PRMT6: variants seen among roughly 807,000 people sequenced by gnomAD.
PRMT6 encodes the protein protein arginine methyltransferase 6.
In PRMT6, 23 loss-of-function variants were observed where a neutral mutation model predicts 30.5. That is an observed-to-expected ratio of 0.75 (90% CI 0.54 to 1.07). The LOEUF is 1.07. Ranked by LOEUF, PRMT6 falls within the 50% of genes least tolerant of loss-of-function variation. PRMT6 has a pLI of 0.00. For synonymous variants in PRMT6, 265 were observed against 228.0 expected, an observed-to-expected ratio of 1.16 and a Z score of -1.46; for missense variants, 528 against 514.3, an observed-to-expected ratio of 1.03 and a Z score of -0.26.
rs1362767578 is a variant in PRMT6 at position 107,057,658 on chromosome 1, G to T, written c.943G>T (p.Ala315Ser). The T allele has an allele frequency of 1.2e-6, 2 of 1,614,120 alleles. No homozygotes were observed. Among genetic ancestry groups the T allele is most frequent in the African/African-American group, 2.7e-5 (2 of 74,950 alleles). ...LVLSTSPFHP[A>S]THWKQALLYL... ...GCTGTCCACCTCGCCTTTTCACCCG[G>T]CCACTCACTGGAAACAGGCGCTCCT... The change falls in exon 1 of 1, where the codon GCC (alanine) becomes TCC (serine). Residue 315 changes from alanine (A) to serine (S), a missense_variant. Transcript: ENST00000370078.
Position 107,058,114 on chromosome 1 carries a change from C to T in PRMT6, c.*271C>T. ...CCTCAAAAGCATGTAGTACCAAGCA[C>T]TTGTATTTCCGTATATTTTGTTTCG... On this transcript the variant is annotated 3_prime_UTR_variant, in exon 1 of 1. Transcript: ENST00000370078. 1 of 522,782 alleles carries T rather than the reference C, an allele frequency of 1.9e-6. No individual in the cohort carries two copies. Among genetic ancestry groups the T allele is most frequent in the Non-Finnish European group, 3.6e-6 (1 of 281,124 alleles). The allele number at this position is 522,782 out of a possible 1,614,324, so 32.4% of individuals were successfully genotyped here. A position where few individuals can be genotyped will look rare whatever the true frequency, so the allele number is the denominator to read the frequency against.
rs894164575 is a variant in PRMT6, at chr1:107,059,026, G to C, written c.*1183G>C. ...GCCAATAAAACATTGACATTCTCAC[G>C]TTTTATAGATGAGGTAAAAAGTCTT... On this transcript the variant is annotated 3_prime_UTR_variant, in exon 1 of 1. Transcript: ENST00000370078. 6.0e-6 allele frequency: 1 copy of C among 166,972 alleles called. No homozygotes were observed. Among genetic ancestry groups the C allele is most frequent in the Non-Finnish European group, 1.5e-5 (1 of 68,094 alleles). 10.3% of individuals were successfully genotyped at this position (166,972 alleles called of 1,614,324 possible).
rs374379636 is a variant in PRMT6 at position 107,057,289 on chromosome 1, T to C, written c.574T>C (p.Phe192Leu). Residue 192 changes from phenylalanine (F) to leucine (L), a missense_variant, in exon 1 of 1, where the codon TTC becomes CTC. Coordinates refer to ENST00000370078, the MANE Select transcript of PRMT6 (RefSeq NM_018137.3). ...GLLLPASAEL[F>L]IAPISDQMLE... ...TCTCCTGCCGGCCTCCGCCGAGCTC[T>C]TCATAGCCCCCATCAGCGACCAGAT... 2.3e-4 allele frequency: 371 copies of C among 1,613,960 alleles called. No homozygotes were observed. Among genetic ancestry groups the C allele is most frequent in the Non-Finnish European group, 2.9e-4 (341 of 1,180,048 alleles).
At position 107,057,496 on chromosome 1, in the gene PRMT6, G is replaced by C; in HGVS notation, c.781G>C (p.Ala261Pro). The change falls in exon 1 of 1, where the codon GCC becomes CCC. Residue 261 changes from alanine to proline, a missense_variant. By Grantham distance (27) the Ala-to-Pro change is conservative (BLOSUM62 -1). Coordinates refer to ENST00000370078, the MANE Select transcript of PRMT6 (RefSeq NM_018137.3). ...CTTTGCTCAGCTAGAGCTCTCCCGC[G>C]CCGGCTTGGAGCAGGAGCTGGAGGC... The part of the protein sequence containing the change: ...QRFAQLELSR[A>P]GLEQELEAGV... 6.2e-7 allele frequency: 1 copy of C among 1,613,178 alleles called. No individual in the cohort carries two copies. Among genetic ancestry groups the C allele is most frequent in the Non-Finnish European group, 8.5e-7 (1 of 1,179,742 alleles).
Position 107,057,420 on chromosome 1 carries a change from G to A in PRMT6, c.705G>A (p.Glu235=), listed in dbSNP as rs946243301. Residue 235 remains glutamate, a synonymous_variant, in exon 1 of 1, where the codon GAG becomes GAA. Transcript: ENST00000370078. The part of the protein sequence containing the change: ...FATRCLMGHS[E]IVVQGLSGED... ...CGCGCTGTCTCATGGGCCACTCGGA[G>A]ATCGTTGTGCAGGGATTGTCCGGCG... The A allele has an allele frequency of 3.7e-6, 6 of 1,613,712 alleles. No homozygotes were observed. Among genetic ancestry groups the A allele is most frequent in the African/African-American group, 1.3e-5 (1 of 75,082 alleles).
rs201484619 is a variant in PRMT6, at chr1:107,057,031, C to A, written c.316C>A (p.Arg106=). The change falls in exon 1 of 1, where the codon CGG becomes AGG. Residue 106 remains arginine (R), a synonymous_variant. Coordinates refer to ENST00000370078, the MANE Select transcript of PRMT6 (RefSeq NM_018137.3). ...LSIFCAQAGA[R]RVYAVEASAI... Reference sequence around the variant, plus strand: ...CATCTTCTGTGCCCAGGCCGGGGCCCGGCGCGTGTACGCGGTAGAGGCCAG... The same window carrying A: ...CATCTTCTGTGCCCAGGCCGGGGCCAGGCGCGTGTACGCGGTAGAGGCCAG... 7 of 1,613,116 alleles carry A rather than the reference C, an allele frequency of 4.3e-6. No homozygotes were observed. In the African/African-American group the frequency reaches 9.3e-5, roughly 22 times the overall value.
Position 107,056,689 on chromosome 1 carries a change from C to G in PRMT6, c.-27C>G, listed in dbSNP as rs1229274509. On this transcript the variant is annotated 5_prime_UTR_variant, in exon 1 of 1. Coordinates refer to ENST00000370078, the MANE Select transcript of PRMT6 (RefSeq NM_018137.3). ...AGCCCGCGCCGTGCCGCGCTACGCCCGCCGGGAGCCGGGCAGAGCGGCCAA... is the reference window on the plus strand; with the variant it reads ...AGCCCGCGCCGTGCCGCGCTACGCCGGCCGGGAGCCGGGCAGAGCGGCCAA... The G allele has an allele frequency of 4.1e-6, 6 of 1,469,556 alleles. No homozygotes were observed. The African/African-American group carries it at 4.3e-5, about 10-fold the overall frequency. 91.0% of individuals were successfully genotyped at this position (1,469,556 alleles called of 1,614,324 possible). A position where few individuals can be genotyped will look rare whatever the true frequency, so the allele number is the denominator to read the frequency against.
rs1233986066 is a variant in PRMT6 at position 107,058,286 on chromosome 1, T to G, written c.*443T>G. 3.9e-6 allele frequency: 1 copy of G among 256,772 alleles called. No individual in the cohort carries two copies. Among genetic ancestry groups the G allele is most frequent in the African/African-American group, 2.3e-5 (1 of 44,162 alleles). The allele number at this position is 256,772 out of a possible 1,614,324, so 15.9% of individuals were successfully genotyped here. A position where few individuals can be genotyped will look rare whatever the true frequency, so the allele number is the denominator to read the frequency against. ...TCATACATTTCCAGTACGACTTTAG[T>G]ATCTCTCCAGAGCCATATTTTCTCA... On this transcript the variant is annotated 3_prime_UTR_variant, in exon 1 of 1. Coordinates refer to ENST00000370078, the MANE Select transcript of PRMT6 (RefSeq NM_018137.3).
At position 107,057,881 on chromosome 1, in the gene PRMT6, T is replaced by G; in HGVS notation, c.*38T>G. 6.4e-7 allele frequency: 1 copy of G among 1,552,924 alleles called. No individual in the cohort carries two copies. Among genetic ancestry groups the G allele is most frequent in the Non-Finnish European group, 8.7e-7 (1 of 1,147,516 alleles). On this transcript the variant is annotated 3_prime_UTR_variant, in exon 1 of 1. Coordinates refer to ENST00000370078, the MANE Select transcript of PRMT6 (RefSeq NM_018137.3). ...CTCCCAGCTACCTCCCAAAGCAGCC[T>G]GACCTGCGTGGGAGAGGCGTAGCGA...
At position 107,057,840 on chromosome 1, in the gene PRMT6, C is replaced by A; in HGVS notation, c.1125C>A (p.Asp375Glu). ...AGACCAAAGACTTTGCCATGGAGGA[C>A]TGAGCGTTGCCTTTTCTCCCAGCTA... ...EEKTKDFAMED is the reference protein window; with the variant it reads ...EEKTKDFAMEE Residue 375 changes from aspartate (D) to glutamate (E), a missense_variant, in exon 1 of 1, where the codon GAC becomes GAA. Transcript: ENST00000370078. The A allele has an allele frequency of 6.4e-7, 1 of 1,568,000 alleles. No homozygotes were observed. The highest frequency in any genetic ancestry group is 8.7e-7 in the Non-Finnish European group (1 of 1,155,654).
In PRMT6 at chr1:107,058,485, A is replaced by C. The variant is rs551177071; in HGVS notation, c.*642A>C. On this transcript the variant is annotated 3_prime_UTR_variant, in exon 1 of 1. Transcript: ENST00000370078. ...CATCATAGGGTGCTAAAGTTGATGA[A>C]CACATTAATCCGTTAAGTAAAATGG... The C allele has an allele frequency of 1.2e-5, 2 of 169,756 alleles. No individual in the cohort carries two copies. The highest frequency in any genetic ancestry group is 1.2e-4 in the Admixed American group (2 of 16,042). The allele number at this position is 169,756 out of a possible 1,614,324, so 10.5% of individuals were successfully genotyped here.
chr1:107,056,703 C>G lies in PRMT6; in HGVS notation c.-13C>G, dbSNP rs1056305783. On this transcript the variant is annotated 5_prime_UTR_variant, in exon 1 of 1. Transcript: ENST00000370078. The stretch of plus-strand genomic sequence containing the variant: ...CGCGCTACGCCCGCCGGGAGCCGGG[C>G]AGAGCGGCCAAGATGTCGCAGCCCA... 1 of 1,494,614 alleles carries G rather than the reference C, an allele frequency of 6.7e-7. No individual in the cohort carries two copies. Among genetic ancestry groups the G allele is most frequent in the Non-Finnish European group, 8.9e-7 (1 of 1,119,696 alleles). 92.6% of individuals were successfully genotyped at this position (1,494,614 alleles called of 1,614,324 possible). A position where few individuals can be genotyped will look rare whatever the true frequency, so the allele number is the denominator to read the frequency against.
rs1340032929 is a variant in PRMT6 at position 107,057,787 on chromosome 1, C to T, written c.1072C>T (p.Arg358Cys). ...DNPRRLRVLL[R>C]YKVGDQEEKT... ...CCCCCGTCGCCTGCGCGTGCTGCTG[C>T]GCTACAAAGTGGGAGACCAGGAGGA... The change falls in exon 1 of 1, where the codon CGC becomes TGC. Residue 358 changes from arginine to cysteine, a missense_variant. Coordinates refer to ENST00000370078, the MANE Select transcript of PRMT6 (RefSeq NM_018137.3). The T allele has an allele frequency of 6.2e-7, 1 of 1,610,632 alleles. No individual in the cohort carries two copies. The highest frequency in any genetic ancestry group is 8.5e-7 in the Non-Finnish European group (1 of 1,178,256).
rs1570650750 is a variant in PRMT6, at chr1:107,057,113, T to G, written c.398T>G (p.Val133Gly). 1 of 1,607,194 alleles carries G rather than the reference T, an allele frequency of 6.2e-7. No homozygotes were observed. The highest frequency in any genetic ancestry group is 8.5e-7 in the Non-Finnish European group (1 of 1,179,826). ...VVRFNGLEDR[V>G]HVLPGPVETV... is the part of the protein sequence containing the mutation. ...CGGTTCAACGGGCTGGAGGACCGGG[T>G]GCACGTCCTGCCGGGACCAGTGGAG... The change falls in exon 1 of 1, where the codon GTG becomes GGG. Residue 133 changes from valine to glycine, a missense_variant. Val to Gly is a moderately radical substitution (Grantham distance 109). Transcript: ENST00000370078.
Position 107,057,660 on chromosome 1 carries a change from C to T in PRMT6, c.945C>T (p.Ala315=). 3 of 1,614,254 alleles carry T rather than the reference C, an allele frequency of 1.9e-6. No individual in the cohort carries two copies. The highest frequency in any genetic ancestry group is 2.2e-5 in the East Asian group (1 of 44,874). ...TGTCCACCTCGCCTTTTCACCCGGC[C>T]ACTCACTGGAAACAGGCGCTCCTCT... ...LVLSTSPFHP[A]THWKQALLYL... The change falls in exon 1 of 1, where the codon GCC becomes GCT. Residue 315 remains alanine (A), a synonymous_variant. Coordinates refer to ENST00000370078, the MANE Select transcript of PRMT6 (RefSeq NM_018137.3).
rs1651761631 is a variant in PRMT6, at chr1:107,057,643, T to G, written c.928T>G (p.Ser310Ala). ...GGAGAAACCCCTGGTGCTGTCCACCTCGCCTTTTCACCCGGCCACTCACTG... is the reference window on the plus strand; with the variant it reads ...GGAGAAACCCCTGGTGCTGTCCACCGCGCCTTTTCACCCGGCCACTCACTG... ...ESEKPLVLST[S>A]PFHPATHWKQ... is the part of the protein sequence containing the mutation. The change falls in exon 1 of 1, where the codon TCG becomes GCG. Residue 310 changes from serine (S) to alanine (A), a missense_variant. Physicochemically the swap from Ser to Ala is moderately conservative, Grantham distance 99. Transcript: ENST00000370078. The G allele has an allele frequency of 6.2e-7, 1 of 1,614,082 alleles. No individual in the cohort carries two copies. The highest frequency in any genetic ancestry group is 8.5e-7 in the Non-Finnish European group (1 of 1,180,046).
chr1:107,058,063 C>G lies in PRMT6; in HGVS notation c.*220C>G. On this transcript the variant is annotated 3_prime_UTR_variant, in exon 1 of 1. Transcript: ENST00000370078. The stretch of plus-strand genomic sequence containing the variant: ...AAGTGATCCCCCTCAACAACGGATA[C>G]AGCGTGCTTATTATTGGGCATTTAG... The G allele has an allele frequency of 2.2e-5, 14 of 650,896 alleles. No individual in the cohort carries two copies. The South Asian group carries it at 2.7e-4, about 13-fold the overall frequency. The allele number at this position is 650,896 out of a possible 1,614,324, so 40.3% of individuals were successfully genotyped here.
rs548765261 is a variant in PRMT6, at chr1:107,058,570, G to A, written c.*727G>A. 6.0e-6 allele frequency: 1 copy of A among 167,218 alleles called. No individual in the cohort carries two copies. Among genetic ancestry groups the A allele is most frequent in the South Asian group, 2.1e-4 (1 of 4,830 alleles). The allele number at this position is 167,218 out of a possible 1,614,324, so 10.4% of individuals were successfully genotyped here. A position where few individuals can be genotyped will look rare whatever the true frequency, so the allele number is the denominator to read the frequency against. On this transcript the variant is annotated 3_prime_UTR_variant, in exon 1 of 1. Coordinates refer to ENST00000370078, the MANE Select transcript of PRMT6 (RefSeq NM_018137.3). ...GAAGGTGCATTTAAGAGAGAGACCT[G>A]AAAGAAATAGTATGGATTTTTAAAA...
Position 107,057,644 on chromosome 1 carries a change from C to A in PRMT6, c.929C>A (p.Ser310Ter). 1 of 1,614,220 alleles carries A rather than the reference C, an allele frequency of 6.2e-7. No homozygotes were observed. The highest frequency in any genetic ancestry group is 8.5e-7 in the Non-Finnish European group (1 of 1,180,050). ...ESEKPLVLSTSPFHPATHWKQ... is the reference protein window; with the variant it reads ...ESEKPLVLST The stretch of plus-strand genomic sequence containing the variant: ...GAGAAACCCCTGGTGCTGTCCACCT[C>A]GCCTTTTCACCCGGCCACTCACTGG... The change falls in exon 1 of 1, where the codon TCG becomes TAG. Residue 310 changes from serine (S) to a stop codon, truncating the protein, a stop_gained. Coordinates refer to ENST00000370078, the MANE Select transcript of PRMT6 (RefSeq NM_018137.3). LOFTEE classifies it high-confidence loss of function.
Sources: gnomAD v4.1 joint callset for allele counts on GRCh38, gnomAD v4.1.1 for gene constraint, MANE v1.5 for transcripts, NCBI Gene and HGNC (gene_info 2026-07-23, HGNC 2026-07-21) for gene names.